Variants in MARCHF9 observed in about 807,000 individuals in gnomAD.
MARCHF9 encodes membrane associated ring-CH-type finger 9, also known as E3 ubiquitin-protein ligase MARCHF9.
In MARCHF9, 17 loss-of-function variants were observed where a neutral mutation model predicts 35.2. That is an observed-to-expected ratio of 0.48 (90% confidence interval 0.33 to 0.72). The LOEUF (loss-of-function observed/expected upper bound fraction) is 0.72, where lower values mean the gene tolerates loss of function less well. Among genes scored for constraint, MARCHF9 ranks in the 30% least tolerant of loss-of-function variants. The pLI is 0.02. For missense variants in MARCHF9, 386 were observed against 478.2 expected (o/e 0.81, Z 1.80); for synonymous variants, 183 against 207.4 (o/e 0.88, Z 1.01).
Position 57,757,023 on chromosome 12 carries a change from G to T in MARCHF9, c.452G>T (p.Ser151Ile). ...TGGATCAGCGAGAGGGGCTCCTGGA[G>T]CTGTGAGCTCTGCTACTTCAAGTAC... ...IRWISERGSWSCELCYFKYQV... is the reference protein window; with the variant it reads ...IRWISERGSWICELCYFKYQV... The change falls in exon 2 of 4, where the codon AGC (serine) becomes ATC (isoleucine). Residue 151 changes from serine (S) to isoleucine (I), a missense_variant. By Grantham distance (142) the Ser-to-Ile change is moderately radical (BLOSUM62 -2). Transcript: ENST00000266643. 6.4e-7 allele frequency: 1 copy of T among 1,569,162 alleles called. No individual in the cohort carries two copies. The highest frequency in any genetic ancestry group is 8.6e-7 in the Non-Finnish European group (1 of 1,156,248).
Position 57,758,827 on chromosome 12 carries a change from T to C in MARCHF9, c.971T>C (p.Leu324Pro). The C allele has an allele frequency of 1.2e-6, 2 of 1,611,146 alleles. No homozygotes were observed. The highest frequency in any genetic ancestry group is 1.7e-6 in the Non-Finnish European group (2 of 1,178,426). Residue 324 changes from leucine (L) to proline (P), a missense_variant, in exon 4 of 4, where the codon CTG (leucine) becomes CCG (proline). By Grantham distance (98) the Leu-to-Pro change is moderately conservative. Transcript: ENST00000266643. The surrounding 1 kb of genome is among the most constrained non-coding windows in gnomAD (Gnocchi z 5.4). ...GYTILHLLGQLRPPDARSSSH... is the reference protein window; with the variant it reads ...GYTILHLLGQPRPPDARSSSH... ...ACAATCTTGCACCTCCTTGGGCAGC[T>C]GCGGCCACCAGATGCCCGTTCCAGC...
chr12:57,755,489 C>G lies in MARCHF9; in HGVS notation c.-40C>G. 3.2e-6 allele frequency: 1 copy of G among 313,852 alleles called. No homozygotes were observed. Among genetic ancestry groups the G allele is most frequent in the Non-Finnish European group, 5.0e-6 (1 of 200,264 alleles). The allele number at this position is 313,852 out of a possible 1,614,324, so 19.4% of individuals were successfully genotyped here. ...CTCCCCTCCCCCCGCCGCTAGCGAGCCCCCCTTGCACGCTGCCCCCCGCCC... is the reference window on the plus strand; with the variant it reads ...CTCCCCTCCCCCCGCCGCTAGCGAGGCCCCCTTGCACGCTGCCCCCCGCCC... On this transcript the variant is annotated 5_prime_UTR_variant, in exon 1 of 4. Transcript: ENST00000266643.
Position 57,755,504 on chromosome 12 carries a change from GCCCC to G in MARCHF9, c.-22_-19del. On this transcript the variant is annotated 5_prime_UTR_variant, in exon 1 of 4. Transcript: ENST00000266643. ...CGCTAGCGAGCCCCCCTTGCACGCTGCCCCCCGCCCCCGGTGTCCGGACGATGCT... is the reference window on the plus strand; with the variant it reads ...CGCTAGCGAGCCCCCCTTGCACGCTGCCGCCCCCGGTGTCCGGACGATGCT... The G allele has an allele frequency of 9.4e-7, 1 of 1,061,024 alleles. No individual in the cohort carries two copies. Among genetic ancestry groups the G allele is most frequent in the Non-Finnish European group, 1.2e-6 (1 of 849,882 alleles). 65.7% of individuals were successfully genotyped at this position (1,061,024 alleles called of 1,614,324 possible). A position where few individuals can be genotyped will look rare whatever the true frequency, so the allele number is the denominator to read the frequency against.
chr12:57,757,669 A>G, intron 2 of MARCHF9: 1 of 415,370 alleles, frequency 2.4e-6, no homozygotes, highest in Non-Finnish European at 4.3e-6. Flanking sequence ...AAAAAAAGAA[A>G]AGAAAAAATG....
chr12:57,756,002 T>A, intron 1 of MARCHF9, 117 bp downstream of exon 1: 1 of 707,950 alleles, frequency 1.4e-6, no homozygotes, highest in South Asian at 2.7e-5. Context: ...GGACACGGAG[T>A]GGGAATGGGG....
Position 57,755,766 on chromosome 12 carries a change from C to A in MARCHF9, c.238C>A (p.Pro80Thr), listed in dbSNP as rs978043970. Residue 80 changes from proline (P) to threonine (T), a missense_variant, in exon 1 of 4, where the codon CCG (proline) becomes ACG (threonine). Physicochemically the swap from Pro to Thr is conservative, Grantham distance 38. Transcript: ENST00000266643. ...GDKEPRAGPL[P>T]PPAPPLPPPG... ...CAAGGAGCCGCGGGCCGGACCCCTG[C>A]CGCCGCCCGCGCCGCCGCTGCCGCC... The A allele has an allele frequency of 1.6e-6, 2 of 1,258,266 alleles. No homozygotes were observed. Among genetic ancestry groups the A allele is most frequent in the African/African-American group, 3.2e-5 (2 of 62,868 alleles). The allele number at this position is 1,258,266 out of a possible 1,614,324, so 77.9% of individuals were successfully genotyped here.
chr12:57,756,945 C>T lies in MARCHF9; in HGVS notation c.374C>T (p.Pro125Leu). ...TTCCTCCAGGGGGAGCTCTTAAGCC[C>T]CTGCCGCTGCGACGGCTCAGTGCGC... ...QGPEQGELLS[P>L]CRCDGSVRCT... The change falls in exon 2 of 4, where the codon CCC becomes CTC. Residue 125 changes from proline to leucine, a missense_variant. Physicochemically the swap from Pro to Leu is moderately conservative, Grantham distance 98. Coordinates refer to ENST00000266643, the MANE Select transcript of MARCHF9 (RefSeq NM_138396.6). The T allele has an allele frequency of 2.5e-6, 4 of 1,570,950 alleles. No individual in the cohort carries two copies. Among genetic ancestry groups the T allele is most frequent in the African/African-American group, 1.4e-5 (1 of 73,068 alleles).
Position 57,755,861 on chromosome 12 carries a change from G to C in MARCHF9, c.333G>C (p.Arg111=). The C allele has an allele frequency of 1.2e-5, 19 of 1,528,610 alleles. No individual in the cohort carries two copies. The highest frequency in any genetic ancestry group is 1.7e-5 in the Non-Finnish European group (19 of 1,146,546). 94.7% of individuals were successfully genotyped at this position (1,528,610 alleles called of 1,614,324 possible). A position where few individuals can be genotyped will look rare whatever the true frequency, so the allele number is the denominator to read the frequency against. ...GCGGACTCCGAACCCCTCAGTGCCG[G>C]ATCTGCTTCCAGGGCCCGGAGCAGG... is the stretch of plus-strand genomic sequence containing the variant. The part of the protein sequence containing the change: ...LDSGLRTPQC[R]ICFQGPEQGE... Residue 111 remains arginine (R), a synonymous_variant, in exon 1 of 4, where the codon CGG becomes CGC. Transcript: ENST00000266643.
chr12:57,755,536 A>G lies in MARCHF9; in HGVS notation c.8A>G (p.Lys3Arg). ML[K>R]SRLRMFLNEL... ...GCCCCCGGTGTCCGGACGATGCTCA[A>G]GTCTCGGCTCCGCATGTTTCTGAAC... Residue 3 changes from lysine to arginine, a missense_variant, in exon 1 of 4, where the codon AAG becomes AGG. By Grantham distance (26) the Lys-to-Arg change is conservative. Around this residue, in one of 3 missense-constraint regions of MARCHF9, gnomAD observed 56 missense variants for 49.6 expected, o/e 1.13. Transcript: ENST00000266643. 8.0e-7 allele frequency: 1 copy of G among 1,256,054 alleles called. No homozygotes were observed. Among genetic ancestry groups the G allele is most frequent in the Non-Finnish European group, 1.0e-6 (1 of 987,322 alleles). The allele number at this position is 1,256,054 out of a possible 1,614,324, so 77.8% of individuals were successfully genotyped here. A position where few individuals can be genotyped will look rare whatever the true frequency, so the allele number is the denominator to read the frequency against.
rs1338095799 is a variant in MARCHF9 at position 57,758,737 on chromosome 12, G to A, written c.881G>A (p.Gly294Glu). ...AACTCACGGACGGGCCCCACCTCTG[G>A]GGCCACGAGCCGCCCCCCAGCTGCC... ...PRNSRTGPTSGATSRPPAAQR... is the reference protein window; with the variant it reads ...PRNSRTGPTSEATSRPPAAQR... The change falls in exon 4 of 4, where the codon GGG (glycine) becomes GAG (glutamate). Residue 294 changes from glycine to glutamate, a missense_variant. Physicochemically the swap from Gly to Glu is moderately conservative, Grantham distance 98. Coordinates refer to ENST00000266643, the MANE Select transcript of MARCHF9 (RefSeq NM_138396.6). The surrounding 1 kb of genome is among the most constrained non-coding windows in gnomAD (Gnocchi z 5.4). 2 of 1,610,420 alleles carry A rather than the reference G, an allele frequency of 1.2e-6. No homozygotes were observed. The highest frequency in any genetic ancestry group is 1.7e-6 in the Non-Finnish European group (2 of 1,178,538).
In MARCHF9 at chr12:57,758,797, G is replaced by T; in HGVS notation, c.941G>T (p.Gly314Val). 1 of 1,613,474 alleles carries T rather than the reference G, an allele frequency of 6.2e-7. No individual in the cohort carries two copies. Among genetic ancestry groups the T allele is most frequent in the Non-Finnish European group, 8.5e-7 (1 of 1,179,914 alleles). ...CGGACGCTCTTGCCTCAGCGCTGCGGTTATACAATCTTGCACCTCCTTGGG... is the reference window on the plus strand; with the variant it reads ...CGGACGCTCTTGCCTCAGCGCTGCGTTTATACAATCTTGCACCTCCTTGGG... ...RMRTLLPQRC[G>V]YTILHLLGQL... Residue 314 changes from glycine to valine, a missense_variant, in exon 4 of 4, where the codon GGT becomes GTT. This residue lies in a region of MARCHF9 where 111 missense variants were observed against 112.4 expected (regional missense o/e 0.99). Coordinates refer to ENST00000266643, the MANE Select transcript of MARCHF9 (RefSeq NM_138396.6). This position sits in a 1 kb window ranked among gnomAD's most constrained non-coding sequence, Gnocchi z 5.4.
chr12:57,755,896 G>A lies in MARCHF9; in HGVS notation c.357+11G>A. The A allele has an allele frequency of 6.8e-7, 1 of 1,479,482 alleles. No homozygotes were observed. Among genetic ancestry groups the A allele is most frequent in the Non-Finnish European group, 8.9e-7 (1 of 1,124,178 alleles). 91.6% of individuals were successfully genotyped at this position (1,479,482 alleles called of 1,614,324 possible). On this transcript the variant is annotated intron_variant, in intron 1 of 3. Coordinates refer to ENST00000266643, the MANE Select transcript of MARCHF9 (RefSeq NM_138396.6). ...CAGGGCCCGGAGCAGGTCAGGCCTG[G>A]GCACCTGGCCGGGCGCGGAGGGTGG... is the stretch of plus-strand genomic sequence containing the variant.
rs1388257703 is a variant in MARCHF9, at chr12:57,758,641, T to C, written c.785T>C (p.Leu262Pro). The C allele has an allele frequency of 1.2e-6, 2 of 1,614,038 alleles. No individual in the cohort carries two copies. The highest frequency in any genetic ancestry group is 1.7e-6 in the Non-Finnish European group (2 of 1,179,992). ...WQAVNQQWKV[L>P]NYDKTKDIGG... is the part of the protein sequence containing the mutation. The stretch of plus-strand genomic sequence containing the variant: ...GCAGTGAACCAGCAGTGGAAGGTCC[T>C]AAATTATGACAAGACCAAGGACATA... Residue 262 changes from leucine (L) to proline (P), a missense_variant, in exon 4 of 4, where the codon CTA becomes CCA. Physicochemically the swap from Leu to Pro is moderately conservative, Grantham distance 98. Around this residue, in one of 3 missense-constraint regions of MARCHF9, gnomAD observed 219 missense variants for 316.2 expected, o/e 0.69. Transcript: ENST00000266643. The surrounding 1 kb of genome is among the most constrained non-coding windows in gnomAD (Gnocchi z 5.4).
At chr12:57,757,806 G>A in intron 2 of MARCHF9, 2 of 599,420 alleles carry the variant, frequency 3.3e-6, no homozygotes, top group Non-Finnish European at 6.0e-6. Flanking sequence ...GGACACTGAT[G>A]CACAAAGATT....
Position 57,755,626 on chromosome 12 carries a change from G to C in MARCHF9, c.98G>C (p.Gly33Ala). 7.5e-7 allele frequency: 1 copy of C among 1,331,464 alleles called. No homozygotes were observed. The highest frequency in any genetic ancestry group is 9.6e-7 in the Non-Finnish European group (1 of 1,045,648). 82.5% of individuals were successfully genotyped at this position (1,331,464 alleles called of 1,614,324 possible). A position where few individuals can be genotyped will look rare whatever the true frequency, so the allele number is the denominator to read the frequency against. The change falls in exon 1 of 4, where the codon GGC (glycine) becomes GCC (alanine). Residue 33 changes from glycine to alanine, a missense_variant. This residue lies in a region of MARCHF9 where 56 missense variants were observed against 49.6 expected (regional missense o/e 1.13). Coordinates refer to ENST00000266643, the MANE Select transcript of MARCHF9 (RefSeq NM_138396.6). The stretch of plus-strand genomic sequence containing the variant: ...CGGGCCGAGCCGCAACCCCGGGGGG[G>C]CCGGGGAGGCGGCTGCGGCTGGGCG... The part of the protein sequence containing the change: ...RPRAEPQPRG[G>A]RGGGCGWAPF...
In MARCHF9 at chr12:57,755,579, G is replaced by T; in HGVS notation, c.51G>T (p.Val17=). 3 of 1,406,258 alleles carry T rather than the reference G, an allele frequency of 2.1e-6. No individual in the cohort carries two copies. The highest frequency in any genetic ancestry group is 2.8e-6 in the Non-Finnish European group (3 of 1,076,534). The allele number at this position is 1,406,258 out of a possible 1,614,324, so 87.1% of individuals were successfully genotyped here. Residue 17 remains valine, a synonymous_variant, in exon 1 of 4, where the codon GTG becomes GTT. Coordinates refer to ENST00000266643, the MANE Select transcript of MARCHF9 (RefSeq NM_138396.6). ...RMFLNELKLL[V]LTGGGRPRAE... is the part of the protein sequence containing the mutation. ...TTCTGAACGAGCTGAAGCTGCTGGTGCTGACAGGCGGGGGGCGGCCCCGGG... is the reference window on the plus strand; with the variant it reads ...TTCTGAACGAGCTGAAGCTGCTGGTTCTGACAGGCGGGGGGCGGCCCCGGG...
chr12:57,758,726 CCCCACCTCT>C lies in MARCHF9; in HGVS notation c.871_879del (p.Pro291_Ser293del). 1 of 1,610,314 alleles carries C rather than the reference CCCCACCTCT, an allele frequency of 6.2e-7. No individual in the cohort carries two copies. Among genetic ancestry groups the C allele is most frequent in the African/African-American group, 1.3e-5 (1 of 74,950 alleles). On this transcript the variant is annotated inframe_deletion, in exon 4 of 4. Transcript: ENST00000266643. The surrounding 1 kb of genome is among the most constrained non-coding windows in gnomAD (Gnocchi z 5.4). Reference sequence around the variant, plus strand: ...CAGGCCCCAGGAACTCACGGACGGGCCCCACCTCTGGGGCCACGAGCCGCCCCCCAGCTG... The same window carrying C: ...CAGGCCCCAGGAACTCACGGACGGGCGGGGCCACGAGCCGCCCCCCAGCTG...
chr12:57,758,790 C>A lies in MARCHF9; in HGVS notation c.934C>A (p.Arg312Ser). ...GCGCATGCGGACGCTCTTGCCTCAG[C>A]GCTGCGGTTATACAATCTTGCACCT... ...AQRMRTLLPQRCGYTILHLLG... is the reference protein window; with the variant it reads ...AQRMRTLLPQSCGYTILHLLG... Residue 312 changes from arginine (R) to serine (S), a missense_variant, in exon 4 of 4, where the codon CGC becomes AGC. Physicochemically the swap from Arg to Ser is moderately radical, Grantham distance 110. Around this residue, in one of 3 missense-constraint regions of MARCHF9, gnomAD observed 111 missense variants for 112.4 expected, o/e 0.99. Transcript: ENST00000266643. The surrounding 1 kb of genome is among the most constrained non-coding windows in gnomAD (Gnocchi z 5.4). 2.5e-6 allele frequency: 4 copies of A among 1,613,434 alleles called. No homozygotes were observed. The highest frequency in any genetic ancestry group is 3.4e-6 in the Non-Finnish European group (4 of 1,179,882).
Position 57,758,552 on chromosome 12 carries a change from C to T in MARCHF9, c.707-11C>T. The T allele has an allele frequency of 2.5e-6, 4 of 1,582,942 alleles. No individual in the cohort carries two copies. Among genetic ancestry groups the T allele is most frequent in the South Asian group, 1.1e-5 (1 of 88,098 alleles). On this transcript the variant is annotated splice_polypyrimidine_tract_variant and intron_variant, in intron 3 of 3. Coordinates refer to ENST00000266643, the MANE Select transcript of MARCHF9 (RefSeq NM_138396.6). This position sits in a 1 kb window ranked among gnomAD's most constrained non-coding sequence, Gnocchi z 5.4. ...ACAGTTAACCCTGGATTTCTTATTC[C>T]TATTGCTCAGGCCTCATCATCCATG...
Sources: gnomAD v4.1 joint callset for allele counts on GRCh38, gnomAD v4.1.1 for gene constraint, gnomAD v4.1.1 regional missense constraint, Gnocchi (gnomAD v3.1) non-coding constraint, MANE v1.5 for transcripts, NCBI Gene and HGNC (gene_info 2026-07-23, HGNC 2026-07-21) for gene names.